SEZ6L: variants seen among roughly 807,000 people sequenced by gnomAD.
SEZ6L encodes the protein seizure 6-like protein.
A neutral mutation model predicts 106.2 loss-of-function variants in SEZ6L; 37 were observed. The ratio of observed to expected loss-of-function variants is 0.35; its 90% CI spans 0.27 to 0.46. The LOEUF is 0.46. Among genes scored for constraint, SEZ6L ranks in the 20% least tolerant of loss-of-function variants. The pLI, the probability that SEZ6L is intolerant of heterozygous loss-of-function variation, is 1.00. For missense variants in SEZ6L, 1,172 were observed against 1,332.8 expected, an observed-to-expected ratio of 0.88 and a Z score of 1.88; for synonymous variants, 541 against 570.4, an observed-to-expected ratio of 0.95 and a Z score of 0.73.
chr22:26,188,101 C>T (rs1490788469), intron 1 of SEZ6L, among the ~76,000 whole-genome samples: 1 of 152,168 alleles, frequency 6.6e-6, no homozygotes. Flanking sequence ...TGGGACCCTT[C>T]CTTCTTCACC....
chr22:26,230,266 A>G (rs961053700), intron 1 of SEZ6L, among the ~76,000 whole-genome samples: 1 of 152,014 alleles, frequency 6.6e-6, no homozygotes, highest in African/African-American at 2.4e-5. Flanking sequence ...AATTTGGGAA[A>G]CTGAGGGAGA....
In SEZ6L at chr22:26,347,718, G is replaced by C. The variant is rs1274507632; in HGVS notation, c.2213-1G>C. On this transcript the variant is annotated splice_acceptor_variant, in intron 10 of 16. Coordinates refer to ENST00000248933, the MANE Select transcript of SEZ6L (RefSeq NM_021115.5). LOFTEE classifies it high-confidence loss of function. ...CTAAGACTGACGTTTCTCTTTTAAA[G>C]AGGTATCAAGGAATGACTCCTGCTC... is the stretch of plus-strand genomic sequence containing the variant. The C allele has an allele frequency of 6.3e-7, 1 of 1,596,120 alleles. No homozygotes were observed. Among genetic ancestry groups the C allele is most frequent in the Non-Finnish European group, 8.5e-7 (1 of 1,174,166 alleles).
In SEZ6L at chr22:26,365,569, A is replaced by G; in HGVS notation, c.2794+3A>G. 1 of 1,610,930 alleles carries G rather than the reference A, an allele frequency of 6.2e-7. No individual in the cohort carries two copies. The highest frequency in any genetic ancestry group is 8.5e-7 in the Non-Finnish European group (1 of 1,177,682). ...CGGGCCCCTGCCCGTGTGTAAAGGT[A>G]AAGAAACCTACTCACCACACAGGGT... On this transcript the variant is annotated splice_donor_region_variant and intron_variant, in intron 13 of 16. Coordinates refer to ENST00000248933, the MANE Select transcript of SEZ6L (RefSeq NM_021115.5).
At chr22:26,344,220 C>T (rs1021926244) in intron 10 of SEZ6L, among the ~76,000 whole-genome samples, 7 of 152,156 alleles carry the variant, frequency 4.6e-5, no homozygotes, top group South Asian at 2.1e-4. Context: ...TCTGGGCCTA[C>T]GTGGTTCTAG....
chr22:26,257,910 C>T (rs908344806), intron 1 of SEZ6L, among the ~76,000 whole-genome samples: 5 of 152,244 alleles, frequency 3.3e-5, no homozygotes, highest in East Asian at 1.9e-4. Context: ...AATGAGAATC[C>T]GAACAGACTG....
intron 1 of SEZ6L, among the ~76,000 whole-genome samples, chr22:26,226,871 G>C (rs1345147950): frequency 6.6e-6 from 1 of 152,162 alleles, no homozygotes; most frequent in African/African-American, 2.4e-5. Context: ...CTCTGAAATA[G>C]AGAGACAAAG....
At chr22:26,249,050 A>G (rs764075059) in intron 1 of SEZ6L, among the ~76,000 whole-genome samples, 1 of 152,214 alleles carries the variant, frequency 6.6e-6, no homozygotes, top group Non-Finnish European at 1.5e-5. Flanking sequence ...TTTTTAATTG[A>G]CATATAATAA....
chr22:26,175,821 A>G (rs576685216), intron 1 of SEZ6L, among the ~76,000 whole-genome samples: 4 of 152,206 alleles, frequency 2.6e-5, no homozygotes, highest in Non-Finnish European at 5.9e-5. Flanking sequence ...ATGAGTCTCA[A>G]TTTTTCCTTC....
At chr22:26,340,205 G>C (rs2082783438) in intron 9 of SEZ6L, among the ~76,000 whole-genome samples, 1 of 152,136 alleles carries the variant, frequency 6.6e-6, no homozygotes, top group Non-Finnish European at 1.5e-5. Context: ...CTGCACTCTA[G>C]CCTGGGTGAC....
chr22:26,316,471 G>A (rs1401389975), intron 9 of SEZ6L, among the ~76,000 whole-genome samples: 6 of 152,154 alleles, frequency 3.9e-5, no homozygotes, highest in Admixed American at 3.9e-4. Context: ...AAATCAGGAG[G>A]GCTTCCAGGA....
chr22:26,340,376 G>A, intron 9 of SEZ6L, 60 bp from the exon 10 acceptor site: 1 of 1,475,032 alleles, frequency 6.8e-7, no homozygotes. Context: ...AGTTAATCAA[G>A]GGTTTATTGA....
intron 1 of SEZ6L, among the ~76,000 whole-genome samples, chr22:26,251,023 C>A (rs913053637): frequency 2.6e-5 from 4 of 152,152 alleles, no homozygotes; most frequent in African/African-American, 9.7e-5. Flanking sequence ...TCATACTCTG[C>A]AACTTTACTG....
At chr22:26,283,726 A>G (rs1047826008) in intron 1 of SEZ6L, among the ~76,000 whole-genome samples, 4 of 152,220 alleles carry the variant, frequency 2.6e-5, no homozygotes, top group Non-Finnish European at 4.4e-5. Context: ...TAAAATAAGA[A>G]CAAGTGCACA....
At position 26,184,684 on chromosome 22, in the gene SEZ6L, G is replaced by A. The variant is rs550323864; in HGVS notation, c.94+14921G>A. Among the ~76,000 whole-genome samples the A allele has an allele frequency of 1.4e-4, 22 of 152,140 alleles. 1 individual carries two copies. In the South Asian group the frequency reaches 4.6e-3, roughly 32 times the overall value. On this transcript the variant is annotated intron_variant, in intron 1 of 16. Coordinates refer to ENST00000248933, the MANE Select transcript of SEZ6L (RefSeq NM_021115.5). The stretch of plus-strand genomic sequence containing the variant: ...AATATTCATTAATATTTTGTGTGCT[G>A]GGCTGCATACCCCAAAGCATGCGGA...
intron 1 of SEZ6L, among the ~76,000 whole-genome samples, chr22:26,283,367 T>C (rs374250422): frequency 2.6e-5 from 4 of 152,226 alleles, no homozygotes; most frequent in African/African-American, 9.7e-5. Flanking sequence ...CAGTGAGGTA[T>C]ATGTTTATAT....
At position 26,359,692 on chromosome 22, in the gene SEZ6L, C is replaced by T. The variant is rs1002547687; in HGVS notation, c.2600-5680C>T. Among the ~76,000 whole-genome samples, 5 of 151,984 alleles carry T rather than the reference C, an allele frequency of 3.3e-5. No individual in the cohort carries two copies. In the East Asian group the frequency reaches 5.8e-4, roughly 18 times the overall value. ...TGATGGTGCACGCCAGTGGTCCCAG[C>T]GACTCGGGAGGCTAAGGTGGGAGGA... is the stretch of plus-strand genomic sequence containing the variant. On this transcript the variant is annotated intron_variant, in intron 12 of 16. Transcript: ENST00000248933.
At chr22:26,346,205 T>C (rs1178538670) in intron 10 of SEZ6L, among the ~76,000 whole-genome samples, 2 of 151,766 alleles carry the variant, frequency 1.3e-5, no homozygotes, top group Non-Finnish European at 2.9e-5. Context: ...TTTTTTTGGT[T>C]TTATTATTGT....
At chr22:26,225,220 G>C (rs2078600243) in intron 1 of SEZ6L, among the ~76,000 whole-genome samples, 1 of 152,184 alleles carries the variant, frequency 6.6e-6, no homozygotes, top group Non-Finnish European at 1.5e-5. Context: ...AACTCTGTTA[G>C]GCAGATGACT....
At chr22:26,225,103 G>T (rs772600271) in intron 1 of SEZ6L, among the ~76,000 whole-genome samples, 59 of 152,192 alleles carry the variant, frequency 3.9e-4, no homozygotes, top group Non-Finnish European at 7.3e-4. Context: ...GAAAAGATTT[G>T]TCCCAGCCAT....
Sources: gnomAD v4.1 joint callset for allele counts (sites outside exome capture counted in the v4.1 genomes callset) on GRCh38, gnomAD v4.1.1 for gene constraint, MANE v1.5 for transcripts, NCBI Gene and HGNC (gene_info 2026-07-23, HGNC 2026-07-21) for gene names.